DST: variants seen among roughly 807,000 people sequenced by gnomAD.
DST encodes dystonin.
DST carries 253 observed loss-of-function variants against 875.2 expected under a neutral mutation model. The ratio of observed to expected loss-of-function variants is 0.29; its 90% CI spans 0.26 to 0.32. The LOEUF (loss-of-function observed/expected upper bound fraction) is 0.32, where lower values mean the gene tolerates loss of function less well. Among genes scored for constraint, DST ranks in the 10% least tolerant of loss-of-function variants. The probability of loss-of-function intolerance (pLI) is 1.00; values close to 1 mark genes in which losing one functional copy is unlikely to be tolerated. For missense variants in DST, 8,287 were observed against 9,111.6 expected, an observed-to-expected ratio of 0.91 and a Z score of 3.68; for synonymous variants, 3,124 against 3,197.1, an observed-to-expected ratio of 0.98 and a Z score of 0.77.
chr6:56,641,299 C>G (rs2098898582), intron 17 of DST, among the ~76,000 whole-genome samples: 1 of 152,126 alleles, frequency 6.6e-6, no homozygotes, highest in Non-Finnish European at 1.5e-5. Flanking sequence ...AAAAATGACA[C>G]TTTTTGGCCA....
Position 56,603,215 on chromosome 6 carries a change from T to G in DST, c.11147A>C (p.Asp3716Ala), listed in dbSNP as rs973773348. The G allele has an allele frequency of 6.3e-7, 1 of 1,599,362 alleles. No homozygotes were observed. The highest frequency in any genetic ancestry group is 1.7e-5 in the Admixed American group (1 of 57,892). Residue 3716 changes from aspartate (D) to alanine (A), a missense_variant, in exon 42 of 104, where the codon GAC becomes GCC. Transcript: ENST00000680361. Reference protein sequence around the residue: ...ERTKQIMLAIDSEMSKLAVSH... With the variant: ...ERTKQIMLAIASEMSKLAVSH... ...ACATTTTATGCCTACCATTTCAGAG[T>G]CGATCGCAAGCATGATCTGTTTCGT...
chr6:56,530,056 G>T lies in DST; in HGVS notation c.17186C>A (p.Thr5729Lys). 6.2e-7 allele frequency: 1 copy of T among 1,613,210 alleles called. No individual in the cohort carries two copies. Among genetic ancestry groups the T allele is most frequent in the Non-Finnish European group, 8.5e-7 (1 of 1,179,568 alleles). The change falls in exon 65 of 104, where the codon ACA (threonine) becomes AAA (lysine). Residue 5729 changes from threonine to lysine, a missense_variant. Physicochemically the swap from Thr to Lys is moderately conservative, Grantham distance 78 (BLOSUM62 -1). Around this residue, in one of 10 missense-constraint regions of DST, gnomAD observed 777 missense variants for 764.8 expected, o/e 1.02. Transcript: ENST00000680361. Reference sequence around the variant, plus strand: ...ATTCACCAGCCTCTTTTCTATGGTTGTAAGCCACTCGTTCAGTGGTTCTAA... The same window carrying T: ...ATTCACCAGCCTCTTTTCTATGGTTTTAAGCCACTCGTTCAGTGGTTCTAA... ...ETLEPLNEWL[T>K]TIEKRLVNCE...
chr6:56,932,055 T>C (rs878901861), intron 2 of DST, among the ~76,000 whole-genome samples: 1 of 152,132 alleles, frequency 6.6e-6, no homozygotes, highest in East Asian at 1.9e-4. Flanking sequence ...CTGAATGATA[T>C]GGTTTGGCTC....
At chr6:56,468,274 C>G (rs1193021213) in intron 98 of DST, among the ~76,000 whole-genome samples, 1 of 152,106 alleles carries the variant, frequency 6.6e-6, no homozygotes, top group Non-Finnish European at 1.5e-5. Context: ...GTTATACTGA[C>G]TTAAATGTCA....
intron 4 of DST, among the ~76,000 whole-genome samples, chr6:56,816,369 A>G (rs982842767): frequency 9.2e-5 from 14 of 152,158 alleles, no homozygotes; most frequent in Admixed American, 5.9e-4. Context: ...TACTCTGAGG[A>G]GAATAGTGAG....
At chr6:56,915,647 T>A (rs1190091208) in intron 2 of DST, among the ~76,000 whole-genome samples, 1 of 152,208 alleles carries the variant, frequency 6.6e-6, no homozygotes, top group Non-Finnish European at 1.5e-5. Flanking sequence ...AGCAAAGTCC[T>A]AACTGAGTCT....
At chr6:56,808,214 CTGTT>C (rs2099755469) in intron 4 of DST, among the ~76,000 whole-genome samples, 1 of 151,820 alleles carries the variant, frequency 6.6e-6, no homozygotes, top group South Asian at 2.1e-4. Context: ...AAGTCCACAA[CTGTT>C]TGTTATAGTT....
chr6:56,948,696 T>C (rs1486081913), intron 2 of DST, among the ~76,000 whole-genome samples: 3 of 152,166 alleles, frequency 2.0e-5, no homozygotes, highest in African/African-American at 4.8e-5. Flanking sequence ...ATCACTCCTC[T>C]TGGAAGGCTT....
At chr6:56,675,056 G>A (rs1302557161) in intron 9 of DST, among the ~76,000 whole-genome samples, 10 of 152,142 alleles carry the variant, frequency 6.6e-5, no homozygotes, top group Admixed American at 1.3e-4. Flanking sequence ...GTACTGACAC[G>A]AAAACAGACA....
intron 29 of DST, 101 bp from the exon 30 acceptor site, chr6:56,631,490 G>T: frequency 1.1e-6 from 1 of 933,980 alleles, no homozygotes; most frequent in Non-Finnish European, 1.7e-6. Flanking sequence ...AAGAACCAAT[G>T]ACTTAGAAAT....
intron 9 of DST, among the ~76,000 whole-genome samples, chr6:56,686,732 A>C (rs1480182902): frequency 1.3e-5 from 2 of 152,192 alleles, no homozygotes; most frequent in African/African-American, 4.8e-5. Flanking sequence ...TCTGTGTCTA[A>C]AGGAGAGAAA....
chr6:56,787,381 A>G (rs2099707350), intron 4 of DST, among the ~76,000 whole-genome samples: 1 of 152,360 alleles, frequency 6.6e-6, no homozygotes, highest in Non-Finnish European at 1.5e-5. Context: ...AGGGCCGCTC[A>G]AACAGCAACT....
chr6:56,745,799 T>C (rs1299636726), intron 4 of DST, among the ~76,000 whole-genome samples: 1 of 152,140 alleles, frequency 6.6e-6, no homozygotes, highest in Non-Finnish European at 1.5e-5. Context: ...ATACAATTCA[T>C]AGAAGAAATG....
Position 56,552,935 on chromosome 6 carries a change from T to C in DST, c.15857A>G (p.Lys5286Arg). 1.2e-6 allele frequency: 2 copies of C among 1,614,044 alleles called. No homozygotes were observed. Among genetic ancestry groups the C allele is most frequent in the Non-Finnish European group, 1.7e-6 (2 of 1,179,880 alleles). ...CTCCTTTGCACACTGAAGCTGCCTT[T>C]TAGATTCTTTGGAAACTTCTTGAAA... ...KEFQEVSKES[K>R]RQLQCAKEQL... Residue 5286 changes from lysine to arginine, a missense_variant, in exon 61 of 104, where the codon AAA becomes AGA. Around this residue, in one of 10 missense-constraint regions of DST, gnomAD observed 1,513 missense variants for 1,677.8 expected, o/e 0.90. Transcript: ENST00000680361.
chr6:56,854,611 C>T (rs958540347), intron 3 of DST, among the ~76,000 whole-genome samples: 1 of 152,014 alleles, frequency 6.6e-6, no homozygotes, highest in Non-Finnish European at 1.5e-5. Flanking sequence ...ATGTAAGTAG[C>T]GATTATCTTT....
chr6:56,693,513 G>T, intron 9 of DST: 1 of 536,892 alleles, frequency 1.9e-6, no homozygotes, highest in Non-Finnish European at 2.4e-6. Context: ...TTTCTGAAAT[G>T]CAGATACACT....
At position 56,606,553 on chromosome 6, in the gene DST, A is replaced by T; in HGVS notation, c.8075T>A (p.Leu2692His). The stretch of plus-strand genomic sequence containing the variant: ...TAATTCATCTTTCTCAACATCCATA[A>T]GGAAATCCTGAAGACAATGTGCTTT... ...KNKAHCLQDF[L>H]MDVEKDELDS... The change falls in exon 40 of 104, where the codon CTT (leucine) becomes CAT (histidine). Residue 2692 changes from leucine to histidine, a missense_variant. By Grantham distance (99) the Leu-to-His change is moderately conservative. This residue lies in a region of DST where 3,138 missense variants were observed against 3,116.6 expected (regional missense o/e 1.01). Transcript: ENST00000680361. 1 of 1,613,514 alleles carries T rather than the reference A, an allele frequency of 6.2e-7. No homozygotes were observed.
In DST at chr6:56,562,164, T is replaced by C; in HGVS notation, c.14042A>G (p.Asn4681Ser). 1 of 1,556,590 alleles carries C rather than the reference T, an allele frequency of 6.4e-7. No homozygotes were observed. Among genetic ancestry groups the C allele is most frequent in the Non-Finnish European group, 8.7e-7 (1 of 1,149,720 alleles). The change falls in exon 56 of 104, where the codon AAT becomes AGT. Residue 4681 changes from asparagine (N) to serine (S), a missense_variant. Coordinates refer to ENST00000680361, the MANE Select transcript of DST (RefSeq NM_001374736.1). ...AVLNGEGTAT[N>S]TEEFWANKGL... ...TTTATTTGCCCAAAATTCCTCAGTA[T>C]TTGTGGCTGTTCCTTCACCATTTAA...
At position 56,532,596 on chromosome 6, in the gene DST, T is replaced by C. The variant is rs927973366; in HGVS notation, c.16942-86A>G. The C allele has an allele frequency of 2.0e-5, 25 of 1,280,510 alleles. 1 individual carries two copies. Among genetic ancestry groups the C allele is most frequent in the South Asian group, 1.2e-4 (8 of 69,498 alleles). 79.3% of individuals were successfully genotyped at this position (1,280,510 alleles called of 1,614,324 possible). On this transcript the variant is annotated intron_variant, in intron 63 of 103. Coordinates refer to ENST00000680361, the MANE Select transcript of DST (RefSeq NM_001374736.1). Reference sequence around the variant, plus strand: ...ATGTATTCTAAGTACATTTGAAGTATGACAAAAATGTATTTTGTATGTATG... The same window carrying C: ...ATGTATTCTAAGTACATTTGAAGTACGACAAAAATGTATTTTGTATGTATG...
Sources: gnomAD v4.1 joint callset for allele counts (sites outside exome capture counted in the v4.1 genomes callset) on GRCh38, gnomAD v4.1.1 for gene constraint, gnomAD v4.1.1 regional missense constraint, MANE v1.5 for transcripts, NCBI Gene and HGNC (gene_info 2026-07-23, HGNC 2026-07-21) for gene names.